IGFBP7: variants seen among roughly 807,000 people sequenced by gnomAD.
IGFBP7 encodes the protein insulin-like growth factor-binding protein 7.
A neutral mutation model predicts 29.4 loss-of-function variants in IGFBP7; 31 were observed. That is an observed-to-expected ratio of 1.05 (90% confidence interval 0.79 to 1.42). The LOEUF (loss-of-function observed/expected upper bound fraction) is 1.42, where lower values mean the gene tolerates loss of function less well. Ranked by LOEUF, IGFBP7 falls within the 40% of genes most tolerant of loss-of-function variation. IGFBP7 has a pLI of 0.00. For missense variants in IGFBP7, 393 were observed against 395.5 expected (o/e 0.99, Z 0.05); for synonymous variants, 172 against 174.9 (o/e 0.98, Z 0.13).
In IGFBP7 at chr4:57,034,057, A is replaced by AAC. The variant is rs1553913031; in HGVS notation, c.586-747_586-746insGT. ...AGAGTGAGACTCCATCTCAAAAAAA[A>AAC]AAAAAAAAAAACAGCTGTCAAATAC... On this transcript the variant is annotated intron_variant, in intron 2 of 4. Transcript: ENST00000295666. Among the ~76,000 whole-genome samples the AAC allele has an allele frequency of 7.3e-5, 11 of 151,480 alleles. 1 individual carries two copies. Among genetic ancestry groups the AAC allele is most frequent in the Admixed American group, 5.3e-4 (8 of 15,196 alleles).
At chr4:57,031,420 C>A in intron 4 of IGFBP7, 84 bp from the exon 5 acceptor site, 2 of 954,222 alleles carry the variant, frequency 2.1e-6, no homozygotes, top group Non-Finnish European at 3.3e-6. Context: ...TGAGTGTTTC[C>A]AAATAAATGA....
At position 57,030,873 on chromosome 4, in the gene IGFBP7, A is replaced by G; in HGVS notation, c.*444T>C. On this transcript the variant is annotated 3_prime_UTR_variant, in exon 5 of 5. Coordinates refer to ENST00000295666, the MANE Select transcript of IGFBP7 (RefSeq NM_001553.3). ...GGGGTCACTTCAATACAATTCTGCT[A>G]ATTACCATTTGTTTTTTCTTTTCAG... 7.2e-7 allele frequency: 1 copy of G among 1,394,926 alleles called. No homozygotes were observed. The highest frequency in any genetic ancestry group is 1.0e-6 in the Non-Finnish European group (1 of 979,742). 86.4% of individuals were successfully genotyped at this position (1,394,926 alleles called of 1,614,324 possible).
At chr4:57,099,779 G>A (rs1323944297) in intron 1 of IGFBP7, among the ~76,000 whole-genome samples, 1 of 152,190 alleles carries the variant, frequency 6.6e-6, no homozygotes, top group East Asian at 1.9e-4. Context: ...CATCCAGGCT[G>A]GAGTGCAGTG....
In IGFBP7 at chr4:57,032,561, G is replaced by T. The variant is rs372048699; in HGVS notation, c.703-9C>A. The T allele has an allele frequency of 1.9e-6, 3 of 1,604,322 alleles. No individual in the cohort carries two copies. In the African/African-American group the frequency reaches 4.0e-5, roughly 21 times the overall value. The stretch of plus-strand genomic sequence containing the variant: ...TTACTTAGAGGAGATACCTGTGAAA[G>T]AAAAAAGATCTAGTATTCCTCTGTG... On this transcript the variant is annotated splice_polypyrimidine_tract_variant and intron_variant, in intron 3 of 4. Coordinates refer to ENST00000295666, the MANE Select transcript of IGFBP7 (RefSeq NM_001553.3).
At chr4:57,067,586 C>G (rs942860386) in intron 1 of IGFBP7, among the ~76,000 whole-genome samples, 8 of 152,144 alleles carry the variant, frequency 5.3e-5, no homozygotes, top group African/African-American at 1.9e-4. Flanking sequence ...GTATAAAATT[C>G]TAGAGACCTG....
At chr4:57,069,671 C>A (rs946315029) in intron 1 of IGFBP7, among the ~76,000 whole-genome samples, 1 of 151,876 alleles carries the variant, frequency 6.6e-6, no homozygotes, top group Non-Finnish European at 1.5e-5. Flanking sequence ...TCTAAAAAAA[C>A]AAACAAACAA....
chr4:57,099,503 G>A (rs11573031), intron 1 of IGFBP7, among the ~76,000 whole-genome samples: 1,691 of 152,242 alleles, frequency 0.011, 23 homozygotes, highest in South Asian at 0.014. Flanking sequence ...AACATTCAGG[G>A]TTAAACCTCA....
chr4:57,103,497 GTA>G (rs1725946804), intron 1 of IGFBP7, among the ~76,000 whole-genome samples: 1 of 151,996 alleles, frequency 6.6e-6, no homozygotes, highest in Non-Finnish European at 1.5e-5. Flanking sequence ...ACTGAAAATT[GTA>G]TATATATGGT....
intron 1 of IGFBP7, among the ~76,000 whole-genome samples, chr4:57,061,523 C>T (rs1724799681): frequency 6.6e-6 from 1 of 152,128 alleles, no homozygotes; most frequent in African/African-American, 2.4e-5. Context: ...AATCTGACAG[C>T]TGAGACAGCT....
At chr4:57,051,361 A>G (rs913371165) in intron 1 of IGFBP7, among the ~76,000 whole-genome samples, 1 of 152,214 alleles carries the variant, frequency 6.6e-6, no homozygotes, top group African/African-American at 2.4e-5. Context: ...CTGGCTGAGG[A>G]CAGCAGGGGA....
At chr4:57,076,966 A>G (rs1322478189) in intron 1 of IGFBP7, among the ~76,000 whole-genome samples, 1 of 152,216 alleles carries the variant, frequency 6.6e-6, no homozygotes, top group Non-Finnish European at 1.5e-5. Flanking sequence ...ATCCAATCAA[A>G]TGATGGCTTG....
chr4:57,108,852 C>T (rs1034773017), intron 1 of IGFBP7, among the ~76,000 whole-genome samples: 4 of 152,128 alleles, frequency 2.6e-5, no homozygotes, highest in Non-Finnish European at 5.9e-5. Context: ...CGGCCTATTT[C>T]CTTATTTCAT....
intron 1 of IGFBP7, among the ~76,000 whole-genome samples, chr4:57,067,685 A>G (rs989560996): frequency 2.0e-4 from 30 of 152,220 alleles, no homozygotes; most frequent in Non-Finnish European, 3.7e-4. Flanking sequence ...TGTGTTTTCT[A>G]TCACAAAACA....
chr4:57,106,250 C>G (rs1726029885), intron 1 of IGFBP7, among the ~76,000 whole-genome samples: 1 of 152,092 alleles, frequency 6.6e-6, no homozygotes, highest in Non-Finnish European at 1.5e-5. Flanking sequence ...TCATGTCAGA[C>G]AGGTAATGTG....
At chr4:57,056,145 C>T (rs891888665) in intron 1 of IGFBP7, among the ~76,000 whole-genome samples, 2 of 152,116 alleles carry the variant, frequency 1.3e-5, no homozygotes, top group South Asian at 2.1e-4. Flanking sequence ...CTTGGCCCCT[C>T]TGGTCATTTT....
At chr4:57,101,218 G>T (rs1725888901) in intron 1 of IGFBP7, among the ~76,000 whole-genome samples, 1 of 152,214 alleles carries the variant, frequency 6.6e-6, no homozygotes, top group Non-Finnish European at 1.5e-5. Context: ...TGAGGGGGTT[G>T]TTTTTTCACA....
At chr4:57,066,859 G>A (rs1375348165) in intron 1 of IGFBP7, among the ~76,000 whole-genome samples, 1 of 151,708 alleles carries the variant, frequency 6.6e-6, no homozygotes, top group East Asian at 1.9e-4. Context: ...CACCATGCTT[G>A]GCTTTAATTG....
intron 1 of IGFBP7, among the ~76,000 whole-genome samples, chr4:57,059,114 C>T (rs1425200366): frequency 4.6e-5 from 7 of 152,064 alleles, no homozygotes; most frequent in Non-Finnish European, 7.4e-5. Context: ...GGCAAGGTTG[C>T]GGAGAAAAGG....
Position 57,045,304 on chromosome 4 carries a change from T to G in IGFBP7, c.476-4371A>C, listed in dbSNP as rs554024971. The stretch of plus-strand genomic sequence containing the variant: ...TAGTGGAAGGGCAGAGGAGGGGCTG[T>G]TAGGACCAGTTTGCTGCACAACATT... On this transcript the variant is annotated intron_variant, in intron 1 of 4. Transcript: ENST00000295666. Among the ~76,000 whole-genome samples the G allele has an allele frequency of 1.9e-3, 296 of 152,324 alleles. 1 individual carries two copies. Among genetic ancestry groups the G allele is most frequent in the African/African-American group, 6.5e-3 (270 of 41,570 alleles).
Sources: allele counts gnomAD v4.1 joint callset (sites outside exome capture counted in the v4.1 genomes callset), GRCh38; gene constraint gnomAD v4.1.1; transcripts MANE v1.5; gene names NCBI Gene and HGNC (gene_info 2026-07-23, HGNC 2026-07-21).